FANCD2: variants seen among roughly 807,000 people sequenced by gnomAD.
FANCD2 encodes the protein Fanconi anemia group D2 protein.
A neutral mutation model predicts 192.3 loss-of-function variants in FANCD2; 131 were observed. The ratio of observed to expected loss-of-function variants is 0.68; its 90% CI spans 0.59 to 0.79. FANCD2 has a LOEUF of 0.79. FANCD2 is among the 30% of genes least tolerant of loss of function. FANCD2 has a pLI of 0.00. For synonymous variants in FANCD2, 524 were observed against 612.5 expected (o/e 0.86, Z 2.13); for missense variants, 1,508 against 1,701.6 (o/e 0.89, Z 2.00).
At position 10,072,990 on chromosome 3, in the gene FANCD2, G is replaced by A. The variant is rs1184530621; in HGVS notation, c.2605+9G>A. On this transcript the variant is annotated intron_variant, in intron 27 of 43. Coordinates refer to ENST00000675286, the MANE Select transcript of FANCD2 (RefSeq NM_001018115.3). The stretch of plus-strand genomic sequence containing the variant: ...AAAGAAAGGAAAAATAGGTAAGTAT[G>A]TTCTTTTCCTCTTGTCTTGTGTCTC... 1 of 1,431,710 alleles carries A rather than the reference G, an allele frequency of 7.0e-7. No homozygotes were observed. The highest frequency in any genetic ancestry group is 2.3e-5 in the East Asian group (1 of 44,010). The allele number at this position is 1,431,710 out of a possible 1,614,324, so 88.7% of individuals were successfully genotyped here. A position where few individuals can be genotyped will look rare whatever the true frequency, so the allele number is the denominator to read the frequency against.
rs368471033 is a variant in FANCD2, at chr3:10,090,267, C to G, written c.3684-25C>G. 3 of 1,540,510 alleles carry G rather than the reference C, an allele frequency of 1.9e-6. No individual in the cohort carries two copies. The African/African-American group carries it at 4.1e-5, about 21-fold the overall frequency. On this transcript the variant is annotated intron_variant, in intron 36 of 43. Transcript: ENST00000675286. ...TCTAAGCAGTGCATCATGGTGTGGG[C>G]ACGCATGCTTTTCCCGTCTTCTAGG...
intron 28 of FANCD2, among the ~76,000 whole-genome samples, chr3:10,074,038 C>T (rs564969772): frequency 1.6e-4 from 25 of 152,172 alleles, no homozygotes; most frequent in African/African-American, 5.8e-4. Flanking sequence ...CTCCACCTCC[C>T]GGGTTCAAGC....
chr3:10,057,194 G>T (rs577247097), intron 18 of FANCD2, among the ~76,000 whole-genome samples: 1 of 152,178 alleles, frequency 6.6e-6, no homozygotes, highest in African/African-American at 2.4e-5. Flanking sequence ...TCGTTTTGAG[G>T]TATGGGAGTT....
chr3:10,047,856 T>G, intron 15 of FANCD2, 61 bp from the exon 16 acceptor site: 6 of 1,603,264 alleles, frequency 3.7e-6, no homozygotes, highest in Non-Finnish European at 5.1e-6. Context: ...AAGCAACTCT[T>G]AGGTTGTGTA....
Position 10,067,269 on chromosome 3 carries a change from T to G in FANCD2, c.2446T>G (p.Leu816Val), listed in dbSNP as rs2125039040. 3 of 1,613,904 alleles carry G rather than the reference T, an allele frequency of 1.9e-6. No homozygotes were observed. The highest frequency in any genetic ancestry group is 2.2e-5 in the South Asian group (2 of 91,058). ...PEMKGKVLTR[L>V]KHIVELQIIL... ...GATGAAGGGGAAGGTGCTCACTCGG[T>G]TAAAGCACATTGTAGAATTGCAAAT... Residue 816 changes from leucine (L) to valine (V), a missense_variant, in exon 26 of 44, where the codon TTA becomes GTA. Leu to Val is a conservative substitution (Grantham distance 32). Transcript: ENST00000675286.
chr3:10,065,999 T>C lies in FANCD2; in HGVS notation c.2385+20T>C. 1.4e-6 allele frequency: 2 copies of C among 1,421,580 alleles called. No individual in the cohort carries two copies. Among genetic ancestry groups the C allele is most frequent in the Non-Finnish European group, 2.0e-6 (2 of 1,004,996 alleles). The allele number at this position is 1,421,580 out of a possible 1,614,324, so 88.1% of individuals were successfully genotyped here. ...CGAGAGGTGAGCAGAGTTAATAGGA[T>C]GTTTCACTTATTGTGCATAGTTTTT... On this transcript the variant is annotated intron_variant, in intron 25 of 43. Coordinates refer to ENST00000675286, the MANE Select transcript of FANCD2 (RefSeq NM_001018115.3).
intron 37 of FANCD2, among the ~76,000 whole-genome samples, chr3:10,090,817 T>C (rs1382743682): frequency 6.6e-6 from 1 of 151,518 alleles, no homozygotes; most frequent in Non-Finnish European, 1.5e-5. Flanking sequence ...TTTTTTGTTT[T>C]TGTTTTGTTT....
At chr3:10,036,005 G>A (rs546884259) in intron 6 of FANCD2, among the ~76,000 whole-genome samples, 1 of 151,380 alleles carries the variant, frequency 6.6e-6, no homozygotes, top group Admixed American at 6.6e-5. Context: ...ACATATTCGT[G>A]TGGATATCCT....
chr3:10,029,611 G>A (rs2086541251), intron 2 of FANCD2, among the ~76,000 whole-genome samples: 1 of 151,942 alleles, frequency 6.6e-6, no homozygotes, highest in Non-Finnish European at 1.5e-5. Flanking sequence ...AGGTTTTTTG[G>A]GAACAGGTGG....
chr3:10,058,836 C>G (rs1427983986), intron 18 of FANCD2, among the ~76,000 whole-genome samples: 1 of 152,078 alleles, frequency 6.6e-6, no homozygotes, highest in Non-Finnish European at 1.5e-5. Flanking sequence ...CCTTGAAATT[C>G]CATGTGAATT....
intron 29 of FANCD2, among the ~76,000 whole-genome samples, chr3:10,075,921 G>A (rs1483064225): frequency 6.6e-6 from 1 of 150,964 alleles, no homozygotes; most frequent in African/African-American, 2.4e-5. Context: ...TAATAGAGAC[G>A]AGGTTTCACC....
chr3:10,053,409 G>A (rs1358582504), intron 18 of FANCD2, among the ~76,000 whole-genome samples: 1 of 151,576 alleles, frequency 6.6e-6, no homozygotes, highest in Non-Finnish European at 1.5e-5. Flanking sequence ...GATAGCATTG[G>A]GAGATACACC....
rs371321981 is a variant in FANCD2 at position 10,087,281 on chromosome 3, C to CTTTTTTT, written c.3466+30_3466+36dup. 1.8e-5 allele frequency: 24 copies of CTTTTTTT among 1,311,074 alleles called. 1 individual carries two copies. The highest frequency in any genetic ancestry group is 1.3e-4 in the African/African-American group (7 of 53,670). The allele number at this position is 1,311,074 out of a possible 1,614,324, so 81.2% of individuals were successfully genotyped here. ...AAAAAATTGGTGATGGGCCTAGATC[C>CTTTTTTT]TTTTTTTTTTTTTTTTTTTAATGAA... On this transcript the variant is annotated intron_variant, in intron 34 of 43. Coordinates refer to ENST00000675286, the MANE Select transcript of FANCD2 (RefSeq NM_001018115.3).
chr3:10,096,396 G>A lies in FANCD2; in HGVS notation c.4109G>A (p.Arg1370Lys). The A allele has an allele frequency of 6.2e-7, 1 of 1,614,106 alleles. No homozygotes were observed. Among genetic ancestry groups the A allele is most frequent in the Non-Finnish European group, 8.5e-7 (1 of 1,179,956 alleles). ...AAGACCCTGGAACTTTTAGTTTGCAGAGTCAAAGCTATGCTCACTCTCAAC... is the reference window on the plus strand; with the variant it reads ...AAGACCCTGGAACTTTTAGTTTGCAAAGTCAAAGCTATGCTCACTCTCAAC... ...LKKTLELLVCRVKAMLTLNNC... is the reference protein window; with the variant it reads ...LKKTLELLVCKVKAMLTLNNC... Residue 1370 changes from arginine to lysine, a missense_variant, in exon 42 of 44, where the codon AGA (arginine) becomes AAA (lysine). Coordinates refer to ENST00000675286, the MANE Select transcript of FANCD2 (RefSeq NM_001018115.3).
In FANCD2 at chr3:10,062,325, C is replaced by T. The variant is rs528772355; in HGVS notation, c.1827+114C>T. ...GCAAGATCTCGGCTCACTGCAACCT[C>T]CACCTCTCAGGTTCAAGTGATTCTC... On this transcript the variant is annotated intron_variant, in intron 20 of 43. Transcript: ENST00000675286. 221 of 793,042 alleles carry T rather than the reference C, an allele frequency of 2.8e-4. No individual in the cohort carries two copies. The African/African-American group carries it at 3.6e-3, about 13-fold the overall frequency. The allele number at this position is 793,042 out of a possible 1,614,324, so 49.1% of individuals were successfully genotyped here. A position where few individuals can be genotyped will look rare whatever the true frequency, so the allele number is the denominator to read the frequency against.
rs552855591 is a variant in FANCD2 at position 10,047,898 on chromosome 3, C to T, written c.1279-19C>T. ...GTTTCCTACAGCTTCTTTTCTCTCT[C>T]TACTCTTCCCCACTCAAGGTTCTTA... is the stretch of plus-strand genomic sequence containing the variant. On this transcript the variant is annotated intron_variant, in intron 15 of 43. Coordinates refer to ENST00000675286, the MANE Select transcript of FANCD2 (RefSeq NM_001018115.3). 3.1e-6 allele frequency: 5 copies of T among 1,612,014 alleles called. No individual in the cohort carries two copies. The South Asian group carries it at 5.5e-5, about 18-fold the overall frequency.
At chr3:10,069,462 T>TCTCCCCCTCCCC (rs1274449690) in intron 26 of FANCD2, among the ~76,000 whole-genome samples, 5 of 121,546 alleles carry the variant, frequency 4.1e-5, no homozygotes, top group African/African-American at 1.4e-4. Flanking sequence ...TTAAGATGCC[T>TCTCCCCCTCCCC]CTCCCCCTCC....
At chr3:10,040,622 G>A (rs1346214014) in intron 9 of FANCD2, 4 of 454,720 alleles carry the variant, frequency 8.8e-6, no homozygotes. Flanking sequence ...ATAGTAATTG[G>A]TAGGGAAGTA....
intron 1 of FANCD2, among the ~76,000 whole-genome samples, chr3:10,028,129 C>G (rs1297805864): frequency 6.6e-6 from 1 of 151,672 alleles, no homozygotes; most frequent in Non-Finnish European, 1.5e-5. Context: ...TTACTAGCAA[C>G]TAGACTAAAT....
Sources: allele counts gnomAD v4.1 joint callset (sites outside exome capture counted in the v4.1 genomes callset), GRCh38; gene constraint gnomAD v4.1.1; transcripts MANE v1.5; gene names NCBI Gene and HGNC (gene_info 2026-07-23, HGNC 2026-07-21).